PDS5A: variants seen among roughly 807,000 people sequenced by gnomAD.
The protein encoded by PDS5A is PDS5 cohesin associated factor A.
A neutral mutation model predicts 167.1 loss-of-function variants in PDS5A; 42 were observed. The ratio of observed to expected loss-of-function variants is 0.25; its 90% CI spans 0.20 to 0.33. The LOEUF (loss-of-function observed/expected upper bound fraction) is 0.33, where lower values mean the gene tolerates loss of function less well. Ranked by LOEUF, PDS5A falls within the 10% of genes least tolerant of loss-of-function variation. The pLI is 1.00. For missense variants in PDS5A, 1,033 were observed against 1,605.9 expected, an observed-to-expected ratio of 0.64 and a Z score of 6.10; for synonymous variants, 553 against 554.6, an observed-to-expected ratio of 1.00 and a Z score of 0.04.
intron 2 of PDS5A, among the ~76,000 whole-genome samples, chr4:39,944,403 T>A (rs1727545671): frequency 6.6e-6 from 1 of 151,844 alleles, no homozygotes; most frequent in African/African-American, 2.4e-5. Flanking sequence ...CCTTAAAGGC[T>A]GAGAGTGTGG....
intron 2 of PDS5A, among the ~76,000 whole-genome samples, chr4:39,933,973 T>A (rs1726332151): frequency 6.6e-6 from 1 of 152,198 alleles, no homozygotes. Flanking sequence ...AGCTGTTGTG[T>A]GTATGTGTGT....
chr4:39,832,042 C>T (rs919576667), intron 32 of PDS5A, among the ~76,000 whole-genome samples: 10 of 145,756 alleles, frequency 6.9e-5, no homozygotes, highest in Admixed American at 3.5e-4. Flanking sequence ...TGAATGAACC[C>T]GGGAGGCAGA....
chr4:39,876,242 T>C (rs1283083873), intron 19 of PDS5A, among the ~76,000 whole-genome samples: 1 of 152,172 alleles, frequency 6.6e-6, no homozygotes, highest in Non-Finnish European at 1.5e-5. Flanking sequence ...TTATTTCTAG[T>C]CTATAAACTC....
At chr4:39,828,536 C>T (rs144563952) in intron 32 of PDS5A, among the ~76,000 whole-genome samples, 6 of 152,268 alleles carry the variant, frequency 3.9e-5, no homozygotes, top group African/African-American at 1.4e-4. Flanking sequence ...GCTCTAGAAG[C>T]CTCACACATC....
chr4:39,897,804 G>A (rs1020469640), intron 16 of PDS5A, among the ~76,000 whole-genome samples: 3 of 151,502 alleles, frequency 2.0e-5, no homozygotes, highest in Admixed American at 2.0e-4. Flanking sequence ...CTTTAACGCT[G>A]TAGTGAACTA....
rs369419469 is a variant in PDS5A, at chr4:39,867,774, A to ACACACACCCCC, written c.2506-778_2506-777insGGGGGTGTGTG. The stretch of plus-strand genomic sequence containing the variant: ...CACACACACACACACACACACACAC[A>ACACACACCCCC]CCCCACAACTGTACTGATTGTGGTG... On this transcript the variant is annotated intron_variant, in intron 22 of 32. Coordinates refer to ENST00000303538, the MANE Select transcript of PDS5A (RefSeq NM_001100399.2). Among the ~76,000 whole-genome samples, 3 of 108,524 alleles carry ACACACACCCCC rather than the reference A, an allele frequency of 2.8e-5. No homozygotes were observed. The East Asian group carries it at 7.3e-4, about 26-fold the overall frequency. 71.2% of individuals were successfully genotyped at this position (108,524 alleles called of 152,430 possible). A position where few individuals can be genotyped will look rare whatever the true frequency, so the allele number is the denominator to read the frequency against.
intron 17 of PDS5A, 106 bp from the exon 18 acceptor site, chr4:39,879,939 G>C (rs1246785492): frequency 3.2e-6 from 2 of 616,132 alleles, no homozygotes; most frequent in Non-Finnish European, 5.4e-6. Flanking sequence ...AAATTCAAAG[G>C]AGTTTCTGTG....
chr4:39,852,771 T>C (rs1372226502), intron 26 of PDS5A, among the ~76,000 whole-genome samples: 1 of 152,196 alleles, frequency 6.6e-6, no homozygotes, highest in African/African-American at 2.4e-5. Context: ...TCAGCTTCCC[T>C]ATGTTCCTTG....
At chr4:39,897,371 C>G (rs1263195460) in intron 16 of PDS5A, among the ~76,000 whole-genome samples, 1 of 152,044 alleles carries the variant, frequency 6.6e-6, no homozygotes, top group Non-Finnish European at 1.5e-5. Context: ...GAGTTTGAGA[C>G]CACCCTGGGC....
chr4:39,872,654 A>C (rs1280118469), intron 21 of PDS5A: 2 of 159,268 alleles, frequency 1.3e-5, no homozygotes, highest in African/African-American at 4.8e-5. Flanking sequence ...CTTGTCTTCA[A>C]AACAAAAAAC....
chr4:39,945,630 T>C (rs760462305), intron 2 of PDS5A, among the ~76,000 whole-genome samples: 1 of 152,058 alleles, frequency 6.6e-6, no homozygotes, highest in Admixed American at 6.6e-5. Context: ...TTATAACTAC[T>C]AAGTGATTAT....
At chr4:39,841,812 A>G in intron 31 of PDS5A, 136 bp downstream of exon 31, 1 of 585,016 alleles carries the variant, frequency 1.7e-6, no homozygotes, top group South Asian at 2.2e-5. Context: ...GGAAGCGGGG[A>G]GAAGGTGTGT....
intron 11 of PDS5A, 144 bp from the exon 12 acceptor site, chr4:39,904,335 C>T: frequency 2.1e-6 from 1 of 475,580 alleles, no homozygotes. Flanking sequence ...AGAGGCTTTA[C>T]AAACAATTTT....
At chr4:39,973,611 A>C in intron 2 of PDS5A, 8 of 1,285,438 alleles carry the variant, frequency 6.2e-6, no homozygotes. Context: ...CCTTCCCGGA[A>C]GAAGCCACTA....
At chr4:39,882,832 G>C (rs1721076847) in intron 17 of PDS5A, among the ~76,000 whole-genome samples, 1 of 151,990 alleles carries the variant, frequency 6.6e-6, no homozygotes, top group South Asian at 2.1e-4. Flanking sequence ...ATATTTCACA[G>C]GGCTATCATG....
At chr4:39,903,769 G>A (rs1723077074) in intron 12 of PDS5A, among the ~76,000 whole-genome samples, 2 of 152,114 alleles carry the variant, frequency 1.3e-5, no homozygotes, top group South Asian at 4.1e-4. Flanking sequence ...AGGGCAGAGT[G>A]AACATTTGGT....
chr4:39,837,779 G>A (rs1431196119), intron 32 of PDS5A, 77 bp downstream of exon 32: 3 of 1,059,076 alleles, frequency 2.8e-6, no homozygotes, highest in Admixed American at 5.3e-5. Context: ...GGTGTTTGGG[G>A]TGACTGGCAC....
At chr4:39,946,267 G>A (rs188417355) in intron 2 of PDS5A, among the ~76,000 whole-genome samples, 4 of 150,748 alleles carry the variant, frequency 2.7e-5, no homozygotes, top group Admixed American at 2.0e-4. Context: ...GCAGACAAGC[G>A]TACATATGTG....
In PDS5A at chr4:39,977,450, C is replaced by CCGA. The variant is rs777242868; in HGVS notation, c.-41+6_-41+7insTCG. ...TAGGGCGGGAGCCGAGCCGCCGCCGCCTTTACCTCCTCCTCATGCGGGCGG... is the reference window on the plus strand; with the variant it reads ...TAGGGCGGGAGCCGAGCCGCCGCCGCCGACTTTACCTCCTCCTCATGCGGGCGG... On this transcript the variant is annotated splice_region_variant and intron_variant, in intron 1 of 32. Coordinates refer to ENST00000303538, the MANE Select transcript of PDS5A (RefSeq NM_001100399.2). The surrounding 1 kb of genome is among the most constrained non-coding windows in gnomAD (Gnocchi z 4.2). 70 of 154,210 alleles carry CCGA rather than the reference C, an allele frequency of 4.5e-4. No homozygotes were observed. The highest frequency in any genetic ancestry group is 9.1e-4 in the Non-Finnish European group (63 of 69,208). 9.6% of individuals were successfully genotyped at this position (154,210 alleles called of 1,614,324 possible).
Sources: gnomAD v4.1 joint callset for allele counts (sites outside exome capture counted in the v4.1 genomes callset) on GRCh38, gnomAD v4.1.1 for gene constraint, Gnocchi (gnomAD v3.1) non-coding constraint, MANE v1.5 for transcripts, NCBI Gene and HGNC (gene_info 2026-07-23, HGNC 2026-07-21) for gene names.